SKIC8: variants seen among roughly 807,000 people sequenced by gnomAD.
SKIC8 encodes superkiller complex protein 8.
chr15:78,295,419 G>GT, the SKIC8 span: 1 of 137,856 alleles, frequency 7.3e-6, no homozygotes. Context: ...TTTTTTTTTT[G>GT]TACAACATCT....
chr15:78,289,834 C>T, the SKIC8 span: 9 of 1,535,100 alleles, frequency 5.9e-6, no homozygotes, highest in Non-Finnish European at 8.0e-6. Context: ...GCAAACCACA[C>T]CAGTGAGACA....
chr15:78,289,413 A>AAAAC, the SKIC8 span, among the ~76,000 whole-genome samples: 8,738 of 152,052 alleles, frequency 0.057, 292 homozygotes, highest in Middle Eastern at 0.13. Flanking sequence ...TCTCTAAAAG[A>AAAAC]AAACAAACAA....
chr15:78,285,262 T>A, the SKIC8 span: 1 of 1,614,084 alleles, frequency 6.2e-7, no homozygotes, highest in Non-Finnish European at 8.5e-7. Context: ...ATGCCATACC[T>A]GATCCTGGTG....
chr15:78,287,397 CAGAAGTGGGCT>C, the SKIC8 span, among the ~76,000 whole-genome samples: 1 of 152,288 alleles, frequency 6.6e-6, no homozygotes, highest in African/African-American at 2.4e-5. Context: ...GCATTTTAAC[CAGAAGTGGGCT>C]AGAAGGAGCA....
At chr15:78,285,473 A>G in the SKIC8 span, 1 of 711,962 alleles carries the variant, frequency 1.4e-6, no homozygotes, top group Non-Finnish European at 2.5e-6. Flanking sequence ...GCCAGGTATC[A>G]GCATCATTGG....
chr15:78,295,846 T>C, the SKIC8 span: 7 of 770,420 alleles, frequency 9.1e-6, no homozygotes, highest in Middle Eastern at 7.9e-4. Flanking sequence ...CTGACACCCT[T>C]CTATGGATCA....
the SKIC8 span, chr15:78,286,028 A>G: frequency 6.2e-7 from 1 of 1,608,758 alleles, no homozygotes; most frequent in Non-Finnish European, 8.5e-7. Flanking sequence ...AACTGCTAAG[A>G]ATCATTAAGT....
the SKIC8 span, chr15:78,289,927 GA>G: frequency 3.1e-6 from 5 of 1,609,286 alleles, no homozygotes; most frequent in Non-Finnish European, 4.2e-6. Flanking sequence ...ATCAGAAGGA[GA>G]ACAGAGAGCA....
the SKIC8 span, chr15:78,293,122 A>C: frequency 6.4e-7 from 1 of 1,559,668 alleles, no homozygotes; most frequent in South Asian, 1.1e-5. Context: ...GCAAAACCTC[A>C]GCCCCCAATT....
At chr15:78,285,769 T>C in the SKIC8 span, 2 of 456,888 alleles carry the variant, frequency 4.4e-6, no homozygotes, top group South Asian at 4.8e-5. Context: ...TAAGTTACCA[T>C]TGGAACACAA....
At chr15:78,292,684 A>G in the SKIC8 span, 3 of 1,614,234 alleles carry the variant, frequency 1.9e-6, no homozygotes, top group Non-Finnish European at 2.5e-6. Context: ...ATGAGCATCA[A>G]GAGAGCTGGA....
the SKIC8 span, chr15:78,285,314 A>C: frequency 6.2e-7 from 1 of 1,614,280 alleles, no homozygotes; most frequent in Non-Finnish European, 8.5e-7. Context: ...CCAACATCCC[A>C]AACTTTTACA....
At chr15:78,286,073 T>G in the SKIC8 span, 17 of 1,613,866 alleles carry the variant, frequency 1.1e-5, no homozygotes, top group African/African-American at 2.3e-4. Context: ...CAGGACAGAA[T>G]GCAACGTTCA....
the SKIC8 span, chr15:78,285,826 A>C: frequency 6.3e-6 from 3 of 474,728 alleles, no homozygotes. Flanking sequence ...TATAATGAAA[A>C]AACTAAGAGT....
the SKIC8 span, chr15:78,290,166 G>C: frequency 6.7e-7 from 1 of 1,500,910 alleles, no homozygotes; most frequent in East Asian, 2.4e-5. Context: ...AAAAACTAAA[G>C]TTTTACCAAA....
the SKIC8 span, chr15:78,286,107 A>G: frequency 2.5e-5 from 41 of 1,613,568 alleles, no homozygotes; most frequent in Non-Finnish European, 3.5e-5. Context: ...ATGGCCGCTC[A>G]GCGTGCCAGC....
At chr15:78,292,685 G>C in the SKIC8 span, 1 of 1,614,212 alleles carries the variant, frequency 6.2e-7, no homozygotes, top group South Asian at 1.1e-5. Context: ...TGAGCATCAA[G>C]AGAGCTGGAT....
the SKIC8 span, among the ~76,000 whole-genome samples, chr15:78,296,633 G>T: frequency 2.0e-5 from 3 of 151,892 alleles, no homozygotes; most frequent in Admixed American, 2.0e-4. Context: ...CTCAGCCCGA[G>T]TGGCTGGGAC....
At chr15:78,283,411 T>TA in the SKIC8 span, 1 of 1,588,976 alleles carries the variant, frequency 6.3e-7, no homozygotes, top group Non-Finnish European at 8.6e-7. Flanking sequence ...CTTTGCAGCA[T>TA]AAGCCTGGAG....
Sources: gnomAD v4.1 joint callset for allele counts (sites outside exome capture counted in the v4.1 genomes callset) on GRCh38, gnomAD v4.1.1 for gene constraint, MANE v1.5 for transcripts, NCBI Gene and HGNC (gene_info 2026-07-23, HGNC 2026-07-21) for gene names.